Variants in CNTN4 observed in about 807,000 individuals in gnomAD.
CNTN4 encodes contactin 4, also known as contactin-4.
CNTN4 carries 77 observed loss-of-function variants against 122.5 expected under a neutral mutation model. The observed-to-expected ratio is 0.63, with a 90% CI of 0.52 to 0.76. The LOEUF is 0.76. Ranked by LOEUF, CNTN4 falls within the 30% of genes least tolerant of loss-of-function variation. CNTN4 has a pLI of 0.00. For synonymous variants in CNTN4, 512 were observed against 447.0 expected (o/e 1.15, Z -1.83); for missense variants, 1,256 against 1,259.1 (o/e 1.00, Z 0.04).
At chr3:2,812,878 G>A (rs559616868) in intron 6 of CNTN4, among the ~76,000 whole-genome samples, 1 of 152,318 alleles carries the variant, frequency 6.6e-6, no homozygotes, top group South Asian at 2.1e-4. Context: ...GAAAGTAAGA[G>A]TGCTAAGTTT....
At chr3:2,587,713 A>G (rs1044037694) in intron 4 of CNTN4, among the ~76,000 whole-genome samples, 2 of 152,220 alleles carry the variant, frequency 1.3e-5, no homozygotes, top group African/African-American at 4.8e-5. Flanking sequence ...TATGGATTTC[A>G]TATTATTTAA....
intron 3 of CNTN4, among the ~76,000 whole-genome samples, chr3:2,382,232 C>T (rs1008766951): frequency 3.3e-5 from 5 of 150,030 alleles, no homozygotes; most frequent in Admixed American, 1.3e-4. Context: ...TGCAGTGGCG[C>T]GATCTCAGCT....
At chr3:2,872,434 T>C (rs1382292240) in intron 8 of CNTN4, among the ~76,000 whole-genome samples, 3 of 152,146 alleles carry the variant, frequency 2.0e-5, no homozygotes, top group Non-Finnish European at 4.4e-5. Context: ...TGGAGACTGG[T>C]TGGGGACTGG....
rs144396509 is a variant in CNTN4, at chr3:2,257,786, G to C, written c.-144-81392G>C. Among the ~76,000 whole-genome samples, 232 of 152,110 alleles carry C rather than the reference G, an allele frequency of 1.5e-3. 2 individuals carry two copies. The highest frequency in any genetic ancestry group is 5.3e-3 in the African/African-American group (221 of 41,516). On this transcript the variant is annotated intron_variant, in intron 2 of 24. Coordinates refer to ENST00000418658, the MANE Select transcript of CNTN4 (RefSeq NM_175607.3). ...TCATTAAAAAGTTAGGAAATAGGCC[G>C]TGCATGGTGGCTCATGCCTGTAATC...
chr3:2,707,751 C>G (rs1270126854), intron 4 of CNTN4, among the ~76,000 whole-genome samples: 1 of 152,050 alleles, frequency 6.6e-6, no homozygotes, highest in Non-Finnish European at 1.5e-5. Flanking sequence ...TCAAGTGATC[C>G]TCCCCCTTTA....
intron 4 of CNTN4, among the ~76,000 whole-genome samples, chr3:2,717,663 A>G (rs1409263825): frequency 2.0e-5 from 3 of 152,180 alleles, no homozygotes; most frequent in Non-Finnish European, 4.4e-5. Flanking sequence ...TCCTAACACA[A>G]GTATATACCT....
At chr3:2,792,574 A>G (rs2092045009) in intron 6 of CNTN4, among the ~76,000 whole-genome samples, 1 of 152,240 alleles carries the variant, frequency 6.6e-6, no homozygotes, top group African/African-American at 2.4e-5. Flanking sequence ...TGAATTAGCA[A>G]ATGCACTCAG....
At chr3:2,983,730 A>G (rs1694279018) in intron 13 of CNTN4, among the ~76,000 whole-genome samples, 1 of 152,214 alleles carries the variant, frequency 6.6e-6, no homozygotes, top group African/African-American at 2.4e-5. Context: ...GCATGATTTG[A>G]GCCTAGACAG....
At chr3:2,249,459 T>C (rs540438799) in intron 2 of CNTN4, among the ~76,000 whole-genome samples, 1 of 152,068 alleles carries the variant, frequency 6.6e-6, no homozygotes, top group South Asian at 2.1e-4. Flanking sequence ...AGTTAGTGTG[T>C]CTGAAAGTGA....
intron 6 of CNTN4, among the ~76,000 whole-genome samples, chr3:2,795,331 C>T (rs922799027): frequency 9.2e-5 from 14 of 152,052 alleles, no homozygotes; most frequent in Non-Finnish European, 1.6e-4. Flanking sequence ...ACATCCATCC[C>T]CTCTCTTCTC....
In CNTN4 at chr3:3,042,380, C is replaced by T; in HGVS notation, c.2469C>T (p.Ala823=). ...LSATDIEVFW[A]SPLEKNRGRI... is the part of the protein sequence containing the mutation. ...CCACAGATATTGAAGTTTTCTGGGC[C>T]TCCCCACTGGAGAAGAATAGAGGAC... is the stretch of plus-strand genomic sequence containing the variant. Residue 823 remains alanine, a synonymous_variant, in exon 21 of 25, where the codon GCC becomes GCT. Coordinates refer to ENST00000418658, the MANE Select transcript of CNTN4 (RefSeq NM_175607.3). The T allele has an allele frequency of 6.2e-7, 1 of 1,613,958 alleles. No homozygotes were observed. The highest frequency in any genetic ancestry group is 1.3e-5 in the African/African-American group (1 of 75,026).
chr3:2,667,250 C>T (rs2084222761), intron 4 of CNTN4, among the ~76,000 whole-genome samples: 1 of 152,128 alleles, frequency 6.6e-6, no homozygotes, highest in South Asian at 2.1e-4. Flanking sequence ...TCTCCAGCAC[C>T]TGCTGTTTCC....
intron 4 of CNTN4, among the ~76,000 whole-genome samples, chr3:2,678,648 C>A (rs575694607): frequency 6.6e-6 from 1 of 152,264 alleles, no homozygotes; most frequent in South Asian, 2.1e-4. Context: ...CTTCCATTTT[C>A]TAGGATTCCT....
chr3:2,583,752 A>AAC (rs1213697372), intron 4 of CNTN4, among the ~76,000 whole-genome samples: 7 of 152,212 alleles, frequency 4.6e-5, no homozygotes, highest in Non-Finnish European at 2.9e-5. Context: ...CAATTTGTTA[A>AAC]ACACCTATAT....
intron 7 of CNTN4, among the ~76,000 whole-genome samples, chr3:2,843,679 A>G (rs1377828309): frequency 6.6e-6 from 1 of 152,104 alleles, no homozygotes; most frequent in African/African-American, 2.4e-5. Flanking sequence ...CCTGCTTTTC[A>G]CCATGTGAAG....
chr3:2,100,977 A>G (rs551479606), intron 2 of CNTN4, among the ~76,000 whole-genome samples: 3 of 152,312 alleles, frequency 2.0e-5, no homozygotes, highest in Admixed American at 1.3e-4. Flanking sequence ...AGCCACATGT[A>G]AGTTTCAACA....
chr3:2,908,177 T>A (rs1025820878), intron 12 of CNTN4, among the ~76,000 whole-genome samples: 2 of 152,094 alleles, frequency 1.3e-5, no homozygotes, highest in Non-Finnish European at 2.9e-5. Flanking sequence ...GTAAATAGAG[T>A]CTTGTAATCA....
intron 3 of CNTN4, among the ~76,000 whole-genome samples, chr3:2,342,242 G>A (rs1372723260): frequency 1.3e-5 from 2 of 151,974 alleles, no homozygotes; most frequent in African/African-American, 4.8e-5. Flanking sequence ...ATAGGCTTGG[G>A]TCATGTTAGG....
chr3:2,614,345 T>C (rs1242812319), intron 4 of CNTN4, among the ~76,000 whole-genome samples: 2 of 152,100 alleles, frequency 1.3e-5, no homozygotes, highest in African/African-American at 2.4e-5. Context: ...GATTATGTAA[T>C]CCAGGTGAAA....
Sources: allele counts gnomAD v4.1 joint callset (sites outside exome capture counted in the v4.1 genomes callset), GRCh38; gene constraint gnomAD v4.1.1; transcripts MANE v1.5; gene names NCBI Gene and HGNC (gene_info 2026-07-23, HGNC 2026-07-21).